EHMT1: variants seen among roughly 807,000 people sequenced by gnomAD.
EHMT1 encodes the protein histone-lysine N-methyltransferase EHMT1.
In EHMT1, 15 loss-of-function variants were observed where a neutral mutation model predicts 147.2. The observed-to-expected ratio is 0.10, with a 90% CI of 0.07 to 0.16. EHMT1 has a LOEUF of 0.16. Ranked by LOEUF, EHMT1 falls within the 10% of genes least tolerant of loss-of-function variation. The probability of loss-of-function intolerance (pLI) is 1.00; values close to 1 mark genes in which losing one functional copy is unlikely to be tolerated. For synonymous variants in EHMT1, 795 were observed against 709.6 expected, an observed-to-expected ratio of 1.12 and a Z score of -1.91; for missense variants, 1,587 against 1,772.4, an observed-to-expected ratio of 0.90 and a Z score of 1.88.
chr9:137,705,564 C>T (rs532673334), intron 1 of EHMT1, among the ~76,000 whole-genome samples: 1 of 152,268 alleles, frequency 6.6e-6, no homozygotes, highest in South Asian at 2.1e-4. Context: ...CAAGTTGTGG[C>T]ACTAAAAATG....
At chr9:137,751,230 C>T (rs1312564170) in intron 6 of EHMT1, among the ~76,000 whole-genome samples, 1 of 152,142 alleles carries the variant, frequency 6.6e-6, no homozygotes, top group Non-Finnish European at 1.5e-5. Flanking sequence ...AAGACACAAA[C>T]CTGGAAGCCA....
chr9:137,643,172 C>T (rs1019556484), intron 1 of EHMT1, among the ~76,000 whole-genome samples: 8 of 152,162 alleles, frequency 5.3e-5, no homozygotes, highest in Non-Finnish European at 7.4e-5. Flanking sequence ...GCATGAGCCA[C>T]CGTGCCTGGC....
intron 1 of EHMT1, among the ~76,000 whole-genome samples, chr9:137,699,062 T>G (rs2501562): frequency 6.6e-6 from 1 of 151,900 alleles, no homozygotes; most frequent in Non-Finnish European, 1.5e-5. Context: ...CCTCATCTCT[T>G]AGGTGGGCTG....
rs574272450 is a variant in EHMT1 at position 137,777,898 on chromosome 9, C to G, written c.2035C>G (p.Leu679Val). 3.8e-5 allele frequency: 62 copies of G among 1,613,464 alleles called. No individual in the cohort carries two copies. The Admixed American group carries it at 1.0e-3, about 27-fold the overall frequency. ...CCCCTGAAGTGCTGCCGGGCCACCACTCTCGGAGGACGACAAGCTGCAGGG... is the reference window on the plus strand; with the variant it reads ...CCCCTGAAGTGCTGCCGGGCCACCAGTCTCGGAGGACGACAAGCTGCAGGG... ...TTTGSAAGPP[L>V]SEDDKLQGAA... The change falls in exon 13 of 27, where the codon CTC (leucine) becomes GTC (valine). Residue 679 changes from leucine (L) to valine (V), a missense_variant. Leu to Val is a conservative substitution (Grantham distance 32). Coordinates refer to ENST00000460843, the MANE Select transcript of EHMT1 (RefSeq NM_024757.5).
chr9:137,734,308 C>G (rs968171624), intron 4 of EHMT1, among the ~76,000 whole-genome samples: 7 of 152,004 alleles, frequency 4.6e-5, no homozygotes, highest in African/African-American at 1.7e-4. Context: ...TAAAAAGGAA[C>G]CAAAAGAAAT....
At chr9:137,785,877 A>G (rs1228401166) in intron 15 of EHMT1, 1 of 152,200 alleles carries the variant, frequency 6.6e-6, no homozygotes, top group Non-Finnish European at 1.5e-5. Context: ...CCGCCCTGCA[A>G]GTGCCTCGCA....
rs774795859 is a variant in EHMT1 at position 137,743,544 on chromosome 9, G to A, written c.981+16G>A. The A allele has an allele frequency of 5.0e-6, 8 of 1,613,902 alleles. No individual in the cohort carries two copies. In the Admixed American group the frequency reaches 1.3e-4, roughly 27 times the overall value. Reference sequence around the variant, plus strand: ...GGGTTCCAAGGTAAGAGACGCATTTGAGTGAGTTGCCACGTGTGCGTGGAA... The same window carrying A: ...GGGTTCCAAGGTAAGAGACGCATTTAAGTGAGTTGCCACGTGTGCGTGGAA... On this transcript the variant is annotated intron_variant, in intron 5 of 26. Coordinates refer to ENST00000460843, the MANE Select transcript of EHMT1 (RefSeq NM_024757.5).
intron 1 of EHMT1, among the ~76,000 whole-genome samples, chr9:137,621,851 C>CT (rs1234961585): frequency 6.6e-6 from 1 of 151,408 alleles, no homozygotes; most frequent in East Asian, 1.9e-4. Flanking sequence ...TTTATTTTTT[C>CT]TTTTTTAAAA....
rs892347120 is a variant in EHMT1 at position 137,732,519 on chromosome 9, G to T, written c.823+3990G>T. ...GGCAGGGAGGCAGTCCTGTTGTGTGGCTGAGTCTGGGGGTTTATGTGGGCT... is the reference window on the plus strand; with the variant it reads ...GGCAGGGAGGCAGTCCTGTTGTGTGTCTGAGTCTGGGGGTTTATGTGGGCT... On this transcript the variant is annotated intron_variant, in intron 4 of 26. Transcript: ENST00000460843. This position sits in a 1 kb window ranked among gnomAD's most constrained non-coding sequence, Gnocchi z 4.6. Among the ~76,000 whole-genome samples, 10 of 152,214 alleles carry T rather than the reference G, an allele frequency of 6.6e-5. No homozygotes were observed. The highest frequency in any genetic ancestry group is 4.6e-4 in the Admixed American group (7 of 15,286).
At chr9:137,805,565 C>G (rs536296694) in intron 18 of EHMT1, among the ~76,000 whole-genome samples, 2 of 152,318 alleles carry the variant, frequency 1.3e-5, no homozygotes, top group South Asian at 4.1e-4. Context: ...TCATTTTTCT[C>G]CTCCCAAACT....
At position 137,639,658 on chromosome 9, in the gene EHMT1, A is replaced by G. The variant is rs114573026; in HGVS notation, c.21+20609A>G. 3.8e-3 allele frequency among the ~76,000 whole-genome samples: 579 copies of G among 152,190 alleles called. 5 individuals carry two copies. Among genetic ancestry groups the G allele is most frequent in the African/African-American group, 0.013 (524 of 41,536 alleles). ...TTTTTATGGTTTATTTTTGCATACT[A>G]TATCTTTTTCTGGCCTTTTAATCTC... On this transcript the variant is annotated intron_variant, in intron 1 of 26. Coordinates refer to ENST00000460843, the MANE Select transcript of EHMT1 (RefSeq NM_024757.5).
chr9:137,686,713 G>C, intron 1 of EHMT1, among the ~76,000 whole-genome samples: 1 of 149,086 alleles, frequency 6.7e-6, no homozygotes. Flanking sequence ...TGAGGTAGGG[G>C]TCCAACCTCA....
At chr9:137,702,451 A>C (rs923375407) in intron 1 of EHMT1, among the ~76,000 whole-genome samples, 2 of 152,246 alleles carry the variant, frequency 1.3e-5, no homozygotes, top group African/African-American at 4.8e-5. Context: ...TCTGAAACCC[A>C]GCAGGGCAGT....
At chr9:137,689,187 G>GA (rs932109314) in intron 1 of EHMT1, among the ~76,000 whole-genome samples, 4 of 152,032 alleles carry the variant, frequency 2.6e-5, no homozygotes, top group African/African-American at 7.3e-5. Flanking sequence ...TCTTATTGTG[G>GA]AAAAAAATCA....
At position 137,822,991 on chromosome 9, in the gene EHMT1, C is replaced by T. The variant is rs561143099; in HGVS notation, c.3540+4853C>T. ...TGTCGCCCAGGCTGGAATGCAGTGG[C>T]ACAATCTCGGCTCACTGCAACGTCT... On this transcript the variant is annotated intron_variant, in intron 25 of 26. Transcript: ENST00000460843. 1.9e-3 allele frequency among the ~76,000 whole-genome samples: 296 copies of T among 151,826 alleles called. 1 individual carries two copies. The highest frequency in any genetic ancestry group is 6.8e-3 in the African/African-American group (283 of 41,388).
intron 3 of EHMT1, among the ~76,000 whole-genome samples, chr9:137,718,151 C>T (rs542963194): frequency 8.0e-5 from 12 of 150,048 alleles, no homozygotes; most frequent in East Asian, 3.9e-4. Flanking sequence ...GCCCCTCACA[C>T]GCACCGTGCT....
chr9:137,819,563 C>T (rs112829263), intron 25 of EHMT1, among the ~76,000 whole-genome samples: 27 of 42,164 alleles, frequency 6.4e-4, no homozygotes, highest in South Asian at 1.9e-3. Context: ...GTACCGAGAC[C>T]GTAGAGAGGC....
At chr9:137,728,141 G>C (rs576626806) in intron 3 of EHMT1, among the ~76,000 whole-genome samples, 145 of 152,306 alleles carry the variant, frequency 9.5e-4, no homozygotes, top group Middle Eastern at 3.4e-3. Context: ...ATGGTTTGTA[G>C]ATGCTGACCT....
At chr9:137,670,409 T>C (rs977774664) in intron 1 of EHMT1, among the ~76,000 whole-genome samples, 6 of 152,112 alleles carry the variant, frequency 3.9e-5, no homozygotes, top group African/African-American at 1.4e-4. Flanking sequence ...GGTAGTGTCC[T>C]CACTTAGTCC....
Sources: allele counts gnomAD v4.1 joint callset (sites outside exome capture counted in the v4.1 genomes callset), GRCh38; gene constraint gnomAD v4.1.1; non-coding constraint Gnocchi (gnomAD v3.1); transcripts MANE v1.5; gene names NCBI Gene and HGNC (gene_info 2026-07-23, HGNC 2026-07-21).